Variants in BCL9 observed in about 807,000 individuals in gnomAD.
BCL9 encodes the protein B-cell CLL/lymphoma 9 protein.
In BCL9, 25 loss-of-function variants were observed where a neutral mutation model predicts 88.5. The observed-to-expected ratio is 0.28, with a 90% CI of 0.21 to 0.39. The LOEUF (loss-of-function observed/expected upper bound fraction) is 0.39. Ranked by LOEUF, BCL9 falls within the 10% of genes least tolerant of loss-of-function variation. The pLI is 1.00. For synonymous variants in BCL9, 711 were observed against 673.3 expected (o/e 1.06, Z -0.87); for missense variants, 1,817 against 1,877.8 (o/e 0.97, Z 0.60).
intron 1 of BCL9, among the ~76,000 whole-genome samples, chr1:147,599,774 C>A (rs1212024993): frequency 4.7e-5 from 6 of 127,206 alleles, no homozygotes; most frequent in African/African-American, 1.8e-4. Context: ...AGTAAAATAT[C>A]GGGGGCGGGG....
intron 1 of BCL9, among the ~76,000 whole-genome samples, chr1:147,543,816 G>A (rs1189859103): frequency 3.9e-5 from 6 of 152,092 alleles, no homozygotes; most frequent in Non-Finnish European, 7.4e-5. Context: ...TACCCCAAGG[G>A]TCTTCATGCC....
chr1:147,618,281 C>T (rs927002149), intron 7 of BCL9, among the ~76,000 whole-genome samples: 5 of 152,060 alleles, frequency 3.3e-5, no homozygotes, highest in African/African-American at 7.3e-5. Context: ...CCAGAGGAGA[C>T]GTTGAAATGG....
In BCL9 at chr1:147,571,910, C is replaced by T. The variant is rs191303069; in HGVS notation, c.-478+30236C>T. On this transcript the variant is annotated intron_variant, in intron 1 of 9. Transcript: ENST00000234739. ...TTTCTCTATGCATTTGATCCACATA[C>T]GTTTATTGAGCACCTACTATAAGCC... Among the ~76,000 whole-genome samples the T allele has an allele frequency of 9.2e-5, 14 of 152,272 alleles. No homozygotes were observed. The East Asian group carries it at 2.3e-3, about 25-fold the overall frequency.
intron 1 of BCL9, among the ~76,000 whole-genome samples, chr1:147,587,024 T>TTCTCTC (rs386635270): frequency 2.6e-4 from 38 of 147,770 alleles, no homozygotes; most frequent in African/African-American, 6.7e-4. Flanking sequence ...TTCTCTCTCT[T>TTCTCTC]TCTCTCTCTC....
At position 147,624,015 on chromosome 1, in the gene BCL9, T is replaced by A; in HGVS notation, c.3337T>A (p.Leu1113Met). The change falls in exon 10 of 10, where the codon TTG (leucine) becomes ATG (methionine). Residue 1113 changes from leucine (L) to methionine (M), a missense_variant. Coordinates refer to ENST00000234739, the MANE Select transcript of BCL9 (RefSeq NM_004326.4). This position sits in a 1 kb window ranked among gnomAD's most constrained non-coding sequence, Gnocchi z 4.4. ...PPHGVPMGPG[L>M]MSHNPIMGHG... ...TCATGGGGTCCCAATGGGGCCTGGCTTGATGTCACACAATCCTATCATGGG... is the reference window on the plus strand; with the variant it reads ...TCATGGGGTCCCAATGGGGCCTGGCATGATGTCACACAATCCTATCATGGG... 1 of 1,614,228 alleles carries A rather than the reference T, an allele frequency of 6.2e-7. No homozygotes were observed. The highest frequency in any genetic ancestry group is 8.5e-7 in the Non-Finnish European group (1 of 1,180,038).
intron 6 of BCL9, among the ~76,000 whole-genome samples, 175 bp from the exon 7 acceptor site, chr1:147,615,628 T>G (rs1658238642): frequency 1.3e-5 from 2 of 152,266 alleles, no homozygotes; most frequent in South Asian, 4.1e-4. Flanking sequence ...TGATGATAAG[T>G]GGTAAATATA....
chr1:147,622,392 T>A lies in BCL9; in HGVS notation c.3024T>A (p.Ile1008=). The change falls in exon 9 of 10, where the codon ATT becomes ATA. Residue 1008 remains isoleucine, a synonymous_variant. Coordinates refer to ENST00000234739, the MANE Select transcript of BCL9 (RefSeq NM_004326.4). ...EPTLSQNPLS[I]MMSRMSKFAM... Reference sequence around the variant, plus strand: ...CCCTTTCCCAGAACCCACTCTCTATTATGATGTCTCGAATGTCCAAGTTTG... The same window carrying A: ...CCCTTTCCCAGAACCCACTCTCTATAATGATGTCTCGAATGTCCAAGTTTG... 6.2e-7 allele frequency: 1 copy of A among 1,614,106 alleles called. No individual in the cohort carries two copies. Among genetic ancestry groups the A allele is most frequent in the Non-Finnish European group, 8.5e-7 (1 of 1,180,026 alleles).
rs115121459 is a variant in BCL9 at position 147,567,326 on chromosome 1, C to G, written c.-478+25652C>G. 1.6e-3 allele frequency among the ~76,000 whole-genome samples: 248 copies of G among 152,056 alleles called. 2 individuals carry two copies. Among genetic ancestry groups the G allele is most frequent in the African/African-American group, 5.9e-3 (243 of 41,486 alleles). ...GAGAATTTTTGGTTTGTTTAAATCT[C>G]CTTAATGGAGATTATTGATACTATT... On this transcript the variant is annotated intron_variant, in intron 1 of 9. Coordinates refer to ENST00000234739, the MANE Select transcript of BCL9 (RefSeq NM_004326.4).
rs1553205928 is a variant in BCL9 at position 147,623,945 on chromosome 1, C to T, written c.3267C>T (p.Ser1089=). 6.2e-7 allele frequency: 1 copy of T among 1,614,236 alleles called. No individual in the cohort carries two copies. Among genetic ancestry groups the T allele is most frequent in the Admixed American group, 1.7e-5 (1 of 60,028 alleles). The change falls in exon 10 of 10, where the codon TCC becomes TCT. Residue 1089 remains serine, a synonymous_variant. Coordinates refer to ENST00000234739, the MANE Select transcript of BCL9 (RefSeq NM_004326.4). ...PMGMTQPLSH[S]NQMPSPNAVG... ...GAATGACCCAGCCACTTTCTCACTC[C>T]AATCAGATGCCCTCTCCAAATGCCG...
At chr1:147,594,561 T>C (rs1190358622) in intron 1 of BCL9, among the ~76,000 whole-genome samples, 1 of 152,198 alleles carries the variant, frequency 6.6e-6, no homozygotes, top group Non-Finnish European at 1.5e-5. Context: ...TTCTTTAAAC[T>C]TCAAAGAGAT....
At chr1:147,557,991 C>T (rs1655195176) in intron 1 of BCL9, among the ~76,000 whole-genome samples, 1 of 152,086 alleles carries the variant, frequency 6.6e-6, no homozygotes. Context: ...TTTTGTAAGA[C>T]CCACATTACT....
At chr1:147,566,028 A>G (rs1177663257) in intron 1 of BCL9, among the ~76,000 whole-genome samples, 1 of 152,164 alleles carries the variant, frequency 6.6e-6, no homozygotes, top group Non-Finnish European at 1.5e-5. Context: ...ATTAATCTTC[A>G]CTGAGAGCCC....
rs1553204658 is a variant in BCL9, at chr1:147,619,554, C to T, written c.1399C>T (p.Pro467Ser). 1 of 1,614,058 alleles carries T rather than the reference C, an allele frequency of 6.2e-7. No individual in the cohort carries two copies. The highest frequency in any genetic ancestry group is 8.5e-7 in the Non-Finnish European group (1 of 1,180,026). ...IGPDHLDHMT[P>S]EQIAWLKLQQ... ...ACCCGACCACCTTGACCATATGACT[C>T]CCGAGCAGATAGCGTGGCTGAAACT... The change falls in exon 8 of 10, where the codon CCC becomes TCC. Residue 467 changes from proline (P) to serine (S), a missense_variant. This residue lies in a region of BCL9 where 1,228 missense variants were observed against 1,191.6 expected (regional missense o/e 1.03). Transcript: ENST00000234739. The surrounding 1 kb of genome is among the most constrained non-coding windows in gnomAD (Gnocchi z 4.1).
At position 147,604,769 on chromosome 1, in the gene BCL9, C is replaced by A. The variant is rs1657572488; in HGVS notation, c.-477-8C>A. 6.6e-6 allele frequency: 1 copy of A among 152,154 alleles called. No individual in the cohort carries two copies. Among genetic ancestry groups the A allele is most frequent in the Admixed American group, 6.5e-5 (1 of 15,280 alleles). The allele number at this position is 152,154 out of a possible 1,614,324, so 9.4% of individuals were successfully genotyped here. ...AGTATGAACTTTTCTTTTTCCTTAT[C>A]TGTATAGGACTGAATGTGGGCCCAG... On this transcript the variant is annotated splice_polypyrimidine_tract_variant and splice_region_variant and intron_variant, in intron 1 of 9. Coordinates refer to ENST00000234739, the MANE Select transcript of BCL9 (RefSeq NM_004326.4).
chr1:147,570,087 G>C (rs1432323000), intron 1 of BCL9, among the ~76,000 whole-genome samples: 1 of 152,178 alleles, frequency 6.6e-6, no homozygotes, highest in African/African-American at 2.4e-5. Context: ...GTTTCGTCAG[G>C]CATTTACTGC....
chr1:147,559,401 A>C (rs1175875225), intron 1 of BCL9, among the ~76,000 whole-genome samples: 1 of 152,194 alleles, frequency 6.6e-6, no homozygotes, highest in Non-Finnish European at 1.5e-5. Flanking sequence ...GTCTATAAAC[A>C]TAGCAGTTGC....
At chr1:147,612,053 A>ATACAG (rs1553202689) in intron 4 of BCL9, among the ~76,000 whole-genome samples, 164 bp downstream of exon 4, 1 of 152,226 alleles carries the variant, frequency 6.6e-6, no homozygotes, top group East Asian at 1.9e-4. Context: ...AGTAAGCAGG[A>ATACAG]TACAGTGTAA....
intron 1 of BCL9, among the ~76,000 whole-genome samples, chr1:147,599,858 G>A (rs1312698886): frequency 2.6e-5 from 4 of 151,504 alleles, no homozygotes; most frequent in Middle Eastern, 3.2e-3. Context: ...GCGGCGGGTT[G>A]GTACCATCGC....
chr1:147,612,038 A>T (rs1658031405), intron 4 of BCL9, 149 bp downstream of exon 4: 1 of 752,582 alleles, frequency 1.3e-6, no homozygotes, highest in Non-Finnish European at 2.2e-6. Context: ...AAATAGTAAT[A>T]TAACAGTAAG....
Sources: allele counts gnomAD v4.1 joint callset (sites outside exome capture counted in the v4.1 genomes callset), GRCh38; gene constraint gnomAD v4.1.1; regional missense constraint gnomAD v4.1.1; non-coding constraint Gnocchi (gnomAD v3.1); transcripts MANE v1.5; gene names NCBI Gene and HGNC (gene_info 2026-07-23, HGNC 2026-07-21).